Variants in FAM222B observed in about 807,000 individuals in gnomAD.
FAM222B encodes the protein family with sequence similarity 222 member B.
Under a neutral mutation model 38.0 loss-of-function variants are expected in FAM222B, and 12 were observed. That is an observed-to-expected ratio of 0.32 (90% confidence interval 0.20 to 0.51). The LOEUF is 0.51. Among genes scored for constraint, FAM222B ranks in the 20% least tolerant of loss-of-function variants. The pLI is 0.97. For missense variants in FAM222B, 716 were observed against 754.2 expected, an observed-to-expected ratio of 0.95 and a Z score of 0.59; for synonymous variants, 329 against 317.2, an observed-to-expected ratio of 1.04 and a Z score of -0.40.
At position 28,758,318 on chromosome 17, in the gene FAM222B, A is replaced by AT. The variant is rs1458444407; in HGVS notation, c.1640dup (p.Asp547GlufsTer16). ...TATGAAGACTTCGACTCTCTGTGGG[A>AT]TCGGGGGCTCGGTTGCCAGGGGCTC... On this transcript the variant is annotated frameshift_variant, in exon 3 of 3. Transcript: ENST00000581407. LOFTEE classifies it high-confidence loss of function. 2 of 1,608,810 alleles carry AT rather than the reference A, an allele frequency of 1.2e-6. No individual in the cohort carries two copies. Among genetic ancestry groups the AT allele is most frequent in the South Asian group, 2.2e-5 (2 of 90,332 alleles).
chr17:28,792,215 G>A lies in FAM222B; in HGVS notation c.-40-25508C>T, dbSNP rs546179059. Among the ~76,000 whole-genome samples, 16 of 151,798 alleles carry A rather than the reference G, an allele frequency of 1.1e-4. No individual in the cohort carries two copies. In the South Asian group the frequency reaches 1.9e-3, roughly 18 times the overall value. ...TAGTCCTAGCTACTTAGGAGGCTGA[G>A]GCAAGAGAATGGCGTGAACCTGGGA... is the stretch of plus-strand genomic sequence containing the variant. On this transcript the variant is annotated intron_variant, in intron 1 of 2. Coordinates refer to ENST00000581407, the MANE Select transcript of FAM222B (RefSeq NM_001077498.3).
chr17:28,786,822 T>C (rs2036430634), intron 1 of FAM222B, among the ~76,000 whole-genome samples: 1 of 152,024 alleles, frequency 6.6e-6, no homozygotes, highest in South Asian at 2.1e-4. Context: ...GTGAAGAGTT[T>C]CAGAAAGGAC....
chr17:28,804,768 T>C (rs761821841), intron 1 of FAM222B, among the ~76,000 whole-genome samples: 11 of 151,672 alleles, frequency 7.3e-5, no homozygotes, highest in Non-Finnish European at 1.5e-4. Context: ...GCAGGCCGGG[T>C]GCGGTGGCTC....
intron 1 of FAM222B, among the ~76,000 whole-genome samples, chr17:28,809,913 A>G (rs1009013939): frequency 2.6e-5 from 4 of 152,140 alleles, no homozygotes; most frequent in African/African-American, 9.7e-5. Context: ...CATAAAAACC[A>G]CCCAGATATC....
chr17:28,769,463 A>G (rs150815352), intron 1 of FAM222B, among the ~76,000 whole-genome samples: 68 of 149,620 alleles, frequency 4.5e-4, no homozygotes, highest in African/African-American at 1.7e-3. Flanking sequence ...TTACAGGCGT[A>G]AGCCACCGTG....
intron 1 of FAM222B, among the ~76,000 whole-genome samples, chr17:28,800,819 A>C (rs868138244): frequency 1.2e-4 from 17 of 143,182 alleles, no homozygotes; most frequent in African/African-American, 4.1e-4. Context: ...TAAGATGTGG[A>C]TTCTTAATTA....
At chr17:28,833,323 A>G (rs1442164556) in intron 1 of FAM222B, among the ~76,000 whole-genome samples, 1 of 150,836 alleles carries the variant, frequency 6.6e-6, no homozygotes, top group East Asian at 1.9e-4. Context: ...AAATAAATAA[A>G]TAAATAAGTT....
At chr17:28,766,500 G>T in intron 2 of FAM222B, 86 bp downstream of exon 2, 29 of 1,022,576 alleles carry the variant, frequency 2.8e-5, no homozygotes, top group Non-Finnish European at 3.8e-5. Flanking sequence ...CAAGGTCAGT[G>T]TACCCCAGAT....
intron 1 of FAM222B, among the ~76,000 whole-genome samples, chr17:28,840,149 G>A (rs183674671): frequency 1.3e-5 from 2 of 152,182 alleles, no homozygotes; most frequent in South Asian, 2.1e-4. Flanking sequence ...GCCGAGGCAG[G>A]CGGATCACCT....
At chr17:28,838,926 C>T (rs1030997338) in intron 1 of FAM222B, among the ~76,000 whole-genome samples, 1 of 149,302 alleles carries the variant, frequency 6.7e-6, no homozygotes, top group Admixed American at 6.7e-5. Context: ...AAAATAAGGC[C>T]GGGCATGGTG....
chr17:28,836,077 C>T (rs1300301458), intron 1 of FAM222B, among the ~76,000 whole-genome samples: 1 of 151,846 alleles, frequency 6.6e-6, no homozygotes, highest in Non-Finnish European at 1.5e-5. Context: ...GAGACCTCCG[C>T]CTCCCGTGTT....
intron 1 of FAM222B, among the ~76,000 whole-genome samples, chr17:28,835,497 G>C (rs1386967326): frequency 4.6e-5 from 7 of 152,084 alleles, no homozygotes; most frequent in Admixed American, 3.9e-4. Context: ...AATCCAAAAA[G>C]CTTACGATTC....
intron 1 of FAM222B, among the ~76,000 whole-genome samples, chr17:28,829,053 G>A (rs569209933): frequency 2.6e-5 from 4 of 151,696 alleles, no homozygotes; most frequent in African/African-American, 9.7e-5. Context: ...CTACAGGTGC[G>A]CGCCACCATG....
At chr17:28,811,585 G>A (rs1414451911) in intron 1 of FAM222B, among the ~76,000 whole-genome samples, 1 of 152,178 alleles carries the variant, frequency 6.6e-6, no homozygotes, top group Non-Finnish European at 1.5e-5. Flanking sequence ...CAGAGAAAAA[G>A]ATAAGACTTT....
intron 1 of FAM222B, chr17:28,790,301 T>C (rs1272716619): frequency 6.6e-6 from 1 of 152,196 alleles, no homozygotes; most frequent in African/African-American, 2.4e-5. Context: ...TAACTTTACT[T>C]AGGAAAAGCC....
At chr17:28,789,097 A>C (rs1304465722) in intron 1 of FAM222B, among the ~76,000 whole-genome samples, 3 of 151,148 alleles carry the variant, frequency 2.0e-5, no homozygotes, top group African/African-American at 4.9e-5. Context: ...AAAAAAAAAA[A>C]AAAAAACTAA....
intron 2 of FAM222B, among the ~76,000 whole-genome samples, chr17:28,764,585 C>T (rs2035241598): frequency 6.6e-6 from 1 of 151,664 alleles, no homozygotes; most frequent in African/African-American, 2.4e-5. Context: ...CCTGTCTCTA[C>T]TGAAAATACA....
At position 28,759,923 on chromosome 17, in the gene FAM222B, A is replaced by C; in HGVS notation, c.83-47T>G. 1.6e-5 allele frequency: 23 copies of C among 1,473,096 alleles called. No individual in the cohort carries two copies. Among genetic ancestry groups the C allele is most frequent in the Non-Finnish European group, 1.8e-5 (20 of 1,103,872 alleles). The allele number at this position is 1,473,096 out of a possible 1,614,324, so 91.3% of individuals were successfully genotyped here. ...GAGAGCAAAGAGGGAGAGGGAGCTC[A>C]TCAGTGCCAAGGCAAACAGCCCTTC... On this transcript the variant is annotated intron_variant, in intron 2 of 2. Transcript: ENST00000581407. The surrounding 1 kb of genome is among the most constrained non-coding windows in gnomAD (Gnocchi z 4.8).
chr17:28,848,666 G>A (rs977349743), intron 1 of FAM222B, among the ~76,000 whole-genome samples: 1 of 152,130 alleles, frequency 6.6e-6, no homozygotes, highest in East Asian at 1.9e-4. Flanking sequence ...GCTGAGGCAG[G>A]AGAATCGCTT....
Sources: gnomAD v4.1 joint callset for allele counts (sites outside exome capture counted in the v4.1 genomes callset) on GRCh38, gnomAD v4.1.1 for gene constraint, Gnocchi (gnomAD v3.1) non-coding constraint, MANE v1.5 for transcripts, NCBI Gene and HGNC (gene_info 2026-07-23, HGNC 2026-07-21) for gene names.